Variants in MAGI2 observed in about 807,000 individuals in gnomAD.
The protein encoded by MAGI2 is membrane associated guanylate kinase, WW and PDZ domain containing 2.
MAGI2 carries 35 observed loss-of-function variants against 133.3 expected under a neutral mutation model. The ratio of observed to expected loss-of-function variants is 0.26; its 90% CI spans 0.20 to 0.35. The LOEUF (loss-of-function observed/expected upper bound fraction) is 0.35. Among genes scored for constraint, MAGI2 ranks in the 10% least tolerant of loss-of-function variants. MAGI2 has a pLI of 1.00. For missense variants in MAGI2, 1,636 were observed against 1,863.4 expected, an observed-to-expected ratio of 0.88 and a Z score of 2.25; for synonymous variants, 729 against 710.6, an observed-to-expected ratio of 1.03 and a Z score of -0.41.
intron 9 of MAGI2, among the ~76,000 whole-genome samples, chr7:78,323,469 C>T (rs1788221659): frequency 6.6e-6 from 1 of 152,178 alleles, no homozygotes; most frequent in African/African-American, 2.4e-5. Context: ...TCATTTATCA[C>T]ATGCTTGAAA....
intron 2 of MAGI2, among the ~76,000 whole-genome samples, chr7:78,644,687 T>C (rs1810663215): frequency 6.6e-6 from 1 of 152,022 alleles, no homozygotes; most frequent in Non-Finnish European, 1.5e-5. Flanking sequence ...AATACTTATA[T>C]TAGAAACGCA....
At chr7:78,556,087 T>A (rs897687652) in intron 3 of MAGI2, among the ~76,000 whole-genome samples, 1 of 152,188 alleles carries the variant, frequency 6.6e-6, no homozygotes, top group Non-Finnish European at 1.5e-5. Context: ...TATATTTGCT[T>A]ACCAGTTTAT....
At chr7:79,125,569 A>G (rs1820339882) in intron 1 of MAGI2, 1 of 507,510 alleles carries the variant, frequency 2.0e-6, no homozygotes, top group East Asian at 5.4e-5. Flanking sequence ...TAACAGCTGT[A>G]TCAGTGGAGG....
chr7:78,955,694 TCTCTCCC>T, intron 2 of MAGI2, among the ~76,000 whole-genome samples: 2 of 70,126 alleles, frequency 2.9e-5, no homozygotes, highest in South Asian at 7.7e-4. Flanking sequence ...CCTCCCTTTC[TCTCTCCC>T]TTTCTTTCTT....
intron 1 of MAGI2, among the ~76,000 whole-genome samples, chr7:79,276,153 G>C (rs1835215153): frequency 6.6e-6 from 1 of 152,116 alleles, no homozygotes; most frequent in South Asian, 2.1e-4. Context: ...TCTGGGCAAA[G>C]TAAAATTGAA....
intron 1 of MAGI2, among the ~76,000 whole-genome samples, chr7:79,373,437 A>T (rs1843181680): frequency 6.6e-6 from 1 of 152,018 alleles, no homozygotes; most frequent in South Asian, 2.1e-4. Flanking sequence ...TAATTTAATA[A>T]CATGTCTTCT....
intron 6 of MAGI2, among the ~76,000 whole-genome samples, chr7:78,476,776 G>C (rs10251915): frequency 0.26 from 39,488 of 151,558 alleles, 5,868 homozygotes; most frequent in African/African-American, 0.41. Flanking sequence ...CTGTGTGACT[G>C]GCATCACTCA....
chr7:78,339,739 A>G (rs115750377), intron 9 of MAGI2, among the ~76,000 whole-genome samples: 2,176 of 152,300 alleles, frequency 0.014, 57 homozygotes, highest in African/African-American at 0.05. Context: ...TCAGTAAAAT[A>G]TCACCAAATG....
intron 2 of MAGI2, among the ~76,000 whole-genome samples, chr7:78,825,904 G>T (rs1167892994): frequency 6.6e-6 from 1 of 152,138 alleles, no homozygotes; most frequent in Non-Finnish European, 1.5e-5. Context: ...GATGTTTATA[G>T]AAGTTTTATT....
At chr7:78,208,542 C>G (rs1787356687) in intron 10 of MAGI2, among the ~76,000 whole-genome samples, 1 of 152,094 alleles carries the variant, frequency 6.6e-6, no homozygotes, top group Non-Finnish European at 1.5e-5. Context: ...TATTTATGTT[C>G]TGAGCAAGAT....
chr7:79,022,656 A>AC (rs2116707356), intron 1 of MAGI2, among the ~76,000 whole-genome samples: 1 of 151,714 alleles, frequency 6.6e-6, no homozygotes, highest in African/African-American at 2.4e-5. Context: ...CAAAAAAAAA[A>AC]AAAAAACCAC....
chr7:79,409,697 G>GA (rs1846028829), intron 1 of MAGI2, among the ~76,000 whole-genome samples: 2 of 152,014 alleles, frequency 1.3e-5, no homozygotes, highest in Non-Finnish European at 1.5e-5. Flanking sequence ...TGTCACAATA[G>GA]ATCTCTCCCA....
At chr7:78,478,743 G>T (rs1274405181) in intron 6 of MAGI2, among the ~76,000 whole-genome samples, 1 of 151,920 alleles carries the variant, frequency 6.6e-6, no homozygotes, top group Non-Finnish European at 1.5e-5. Context: ...GCAGGAATTA[G>T]GAAATGAACC....
intron 6 of MAGI2, among the ~76,000 whole-genome samples, chr7:78,372,191 C>T (rs1050846093): frequency 6.6e-5 from 10 of 152,016 alleles, no homozygotes; most frequent in African/African-American, 2.2e-4. Flanking sequence ...TGAAAAAACA[C>T]AACTTTCACA....
At chr7:78,312,382 C>CTACA (rs1422292137) in intron 9 of MAGI2, among the ~76,000 whole-genome samples, 1 of 152,050 alleles carries the variant, frequency 6.6e-6, no homozygotes, top group East Asian at 1.9e-4. Flanking sequence ...TATAGGCGAA[C>CTACA]TGTAAATTTT....
chr7:78,686,349 T>TA (rs1816314801), intron 2 of MAGI2, among the ~76,000 whole-genome samples: 2 of 152,142 alleles, frequency 1.3e-5, no homozygotes, highest in Non-Finnish European at 2.9e-5. Context: ...CCCGTTCACG[T>TA]AAGTGTGGAC....
At chr7:78,625,686 C>T in intron 3 of MAGI2, among the ~76,000 whole-genome samples, 1 of 152,162 alleles carries the variant, frequency 6.6e-6, no homozygotes, top group East Asian at 1.9e-4. Context: ...AACTTACAGT[C>T]CTGCAAGCTC....
chr7:79,039,889 A>G (rs918829600), intron 1 of MAGI2, among the ~76,000 whole-genome samples: 2 of 147,562 alleles, frequency 1.4e-5, no homozygotes, highest in African/African-American at 2.5e-5. Context: ...TATATAATAT[A>G]TACAATGAAA....
intron 3 of MAGI2, among the ~76,000 whole-genome samples, chr7:78,599,765 C>G (rs915588316): frequency 6.6e-6 from 1 of 152,108 alleles, no homozygotes; most frequent in Non-Finnish European, 1.5e-5. Context: ...ATCTTGAGTC[C>G]TTCCCCAGCA....
Sources: gnomAD v4.1 joint callset for allele counts (sites outside exome capture counted in the v4.1 genomes callset) on GRCh38, gnomAD v4.1.1 for gene constraint, MANE v1.5 for transcripts, NCBI Gene and HGNC (gene_info 2026-07-23, HGNC 2026-07-21) for gene names.